CACNG7: variants seen among roughly 807,000 people sequenced by gnomAD.
CACNG7 encodes voltage-dependent calcium channel gamma-7 subunit.
In CACNG7, 9 loss-of-function variants were observed where a neutral mutation model predicts 26.3. The ratio of observed to expected loss-of-function variants is 0.34; its 90% CI spans 0.21 to 0.60. CACNG7 has a LOEUF of 0.60. Among genes scored for constraint, CACNG7 ranks in the 20% least tolerant of loss-of-function variants. CACNG7 has a pLI of 0.81. For missense variants in CACNG7, 297 were observed against 380.4 expected, an observed-to-expected ratio of 0.78 and a Z score of 1.82; for synonymous variants, 170 against 157.0, an observed-to-expected ratio of 1.08 and a Z score of -0.62.
At chr19:53,937,356 C>G (rs975185592) in intron 4 of CACNG7, among the ~76,000 whole-genome samples, 1 of 152,152 alleles carries the variant, frequency 6.6e-6, no homozygotes, top group African/African-American at 2.4e-5. Flanking sequence ...TCCCCTTTCA[C>G]GTGGCGGCAC....
chr19:53,909,397 G>C lies in CACNG7; in HGVS notation c.-150G>C, dbSNP rs1444542561. The C allele has an allele frequency of 2.0e-5, 3 of 148,770 alleles. No homozygotes were observed. Among genetic ancestry groups the C allele is most frequent in the Non-Finnish European group, 3.0e-5 (2 of 66,500 alleles). The allele number at this position is 148,770 out of a possible 1,614,324, so 9.2% of individuals were successfully genotyped here. ...GGCCGGGACGCCGGGCTCCGGGGCG[G>C]GGGCGGGGGGCGCGGGCACCGGCGA... On this transcript the variant is annotated 5_prime_UTR_variant, in exon 1 of 6. Coordinates refer to ENST00000391767, the MANE Select transcript of CACNG7 (RefSeq NM_031896.5). The surrounding 1 kb of genome is among the most constrained non-coding windows in gnomAD (Gnocchi z 5.1).
chr19:53,937,078 T>C (rs1480083527), intron 4 of CACNG7, among the ~76,000 whole-genome samples: 1 of 152,142 alleles, frequency 6.6e-6, no homozygotes, highest in African/African-American at 2.4e-5. Flanking sequence ...TTAGTAGAGA[T>C]GGGGTCTCAC....
Position 53,942,161 on chromosome 19 carries a change from G to A in CACNG7, c.696G>A (p.Leu232=). 6.2e-7 allele frequency: 1 copy of A among 1,614,012 alleles called. No homozygotes were observed. Among genetic ancestry groups the A allele is most frequent in the Non-Finnish European group, 8.5e-7 (1 of 1,179,938 alleles). The change falls in exon 6 of 6, where the codon CTG becomes CTA. Residue 232 remains leucine (L), a synonymous_variant. Transcript: ENST00000391767. This position sits in a 1 kb window ranked among gnomAD's most constrained non-coding sequence, Gnocchi z 5.9. ...GCTCCGACTACTCGGGCCAGTTCCT[G>A]CAGCCCGAGGCGTGGCGCCGCGGCC... ...SDCSDYSGQF[L]QPEAWRRGRS...
In CACNG7 at chr19:53,940,831, G is replaced by A. The variant is rs868473282; in HGVS notation, c.425-639G>A. On this transcript the variant is annotated intron_variant, in intron 4 of 5. Coordinates refer to ENST00000391767, the MANE Select transcript of CACNG7 (RefSeq NM_031896.5). The surrounding 1 kb of genome is among the most constrained non-coding windows in gnomAD (Gnocchi z 4.1). ...GCATTTGGGGAGGCCGAGGTGGGTGGATCACCTGAGGTCAGGAGTTTGAGA... is the reference window on the plus strand; with the variant it reads ...GCATTTGGGGAGGCCGAGGTGGGTGAATCACCTGAGGTCAGGAGTTTGAGA... 2.6e-5 allele frequency among the ~76,000 whole-genome samples: 4 copies of A among 152,060 alleles called. No homozygotes were observed. Among genetic ancestry groups the A allele is most frequent in the Middle Eastern group, 3.4e-3 (1 of 294 alleles).
At chr19:53,911,055 G>GTGGT (rs2068858868) in intron 1 of CACNG7, among the ~76,000 whole-genome samples, 1 of 148,606 alleles carries the variant, frequency 6.7e-6, no homozygotes, top group African/African-American at 2.6e-5. Context: ...GGTGGTGGTG[G>GTGGT]GGTCCAGCTC....
At chr19:53,911,602 G>A (rs551793211) in intron 1 of CACNG7, among the ~76,000 whole-genome samples, 3 of 152,226 alleles carry the variant, frequency 2.0e-5, no homozygotes, top group African/African-American at 7.2e-5. Context: ...AAGGGACGAG[G>A]TCCCAGCTGA....
rs1329595625 is a variant in CACNG7 at position 53,943,857 on chromosome 19, G to T, written c.*1564G>T. On this transcript the variant is annotated 3_prime_UTR_variant, in exon 6 of 6. Coordinates refer to ENST00000391767, the MANE Select transcript of CACNG7 (RefSeq NM_031896.5). Reference sequence around the variant, plus strand: ...TGACTTAATCATCATCATTATCAACGGCAGCGCTTTATACTTCAGTCCGTG... The same window carrying T: ...TGACTTAATCATCATCATTATCAACTGCAGCGCTTTATACTTCAGTCCGTG... 3 of 151,988 alleles carry T rather than the reference G, an allele frequency of 2.0e-5. No homozygotes were observed. Among genetic ancestry groups the T allele is most frequent in the African/African-American group, 7.3e-5 (3 of 41,350 alleles). The allele number at this position is 151,988 out of a possible 1,614,324, so 9.4% of individuals were successfully genotyped here. A position where few individuals can be genotyped will look rare whatever the true frequency, so the allele number is the denominator to read the frequency against.
At chr19:53,930,980 G>A (rs1209179959) in intron 4 of CACNG7, among the ~76,000 whole-genome samples, 2 of 152,108 alleles carry the variant, frequency 1.3e-5, no homozygotes, top group Non-Finnish European at 2.9e-5. Context: ...CACATTACTT[G>A]AGCTCAGGAG....
intron 4 of CACNG7, among the ~76,000 whole-genome samples, chr19:53,923,309 T>C (rs74180748): frequency 9.4e-5 from 7 of 74,636 alleles, no homozygotes; most frequent in African/African-American, 1.2e-4. Flanking sequence ...TGGAGTTGAC[T>C]CAGGCTGGTC....
intron 4 of CACNG7, among the ~76,000 whole-genome samples, chr19:53,923,402 T>C (rs552922372): frequency 7.2e-6 from 1 of 138,186 alleles, no homozygotes; most frequent in African/African-American, 2.8e-5. Flanking sequence ...AGGTCTGGTA[T>C]TGGTGGAGTT....
chr19:53,927,510 A>G (rs75301446), intron 4 of CACNG7, among the ~76,000 whole-genome samples: 14,374 of 152,046 alleles, frequency 0.095, 785 homozygotes, highest in South Asian at 0.17. Context: ...TGGTTTGGAG[A>G]TGGGATTCAC....
intron 4 of CACNG7, among the ~76,000 whole-genome samples, chr19:53,936,660 T>G (rs140832118): frequency 0.017 from 2,633 of 152,182 alleles, 80 homozygotes; most frequent in African/African-American, 0.06. Context: ...CCAGGCTGGA[T>G]TGCAGTGGTG....
In CACNG7 at chr19:53,912,787, A is replaced by G. The variant is rs777221888; in HGVS notation, c.-29-16A>G. ...TCGGTCCCATGGAGCTCTGCACTGT[A>G]GCTTCCCTTCCACAGGCCCCGCAGG... On this transcript the variant is annotated splice_polypyrimidine_tract_variant and intron_variant, in intron 1 of 5. Transcript: ENST00000391767. This position sits in a 1 kb window ranked among gnomAD's most constrained non-coding sequence, Gnocchi z 4.6. 4.4e-6 allele frequency: 7 copies of G among 1,599,990 alleles called. No homozygotes were observed. The Admixed American group carries it at 5.0e-5, about 11-fold the overall frequency.
chr19:53,922,561 TCTGGTCATTGGTGGAGTTGTCCCAGGA>T lies in CACNG7; in HGVS notation c.424+7070_424+7096del, dbSNP rs1240237279. Among the ~76,000 whole-genome samples, 8 of 73,976 alleles carry T rather than the reference TCTGGTCATTGGTGGAGTTGTCCCAGGA, an allele frequency of 1.1e-4. 1 individual carries two copies. The highest frequency in any genetic ancestry group is 4.7e-4 in the Admixed American group (4 of 8,528). The allele number at this position is 73,976 out of a possible 152,430, so 48.5% of individuals were successfully genotyped here. A position where few individuals can be genotyped will look rare whatever the true frequency, so the allele number is the denominator to read the frequency against. On this transcript the variant is annotated intron_variant, in intron 4 of 5. Transcript: ENST00000391767. Reference sequence around the variant, plus strand: ...TGGTCATTGGTGGAGTTGCCCCAGGTCTGGTCATTGGTGGAGTTGTCCCAGGACTGGTCATTGGTGCAGTTGTCCCAG... The same window carrying T: ...TGGTCATTGGTGGAGTTGCCCCAGGTCTGGTCATTGGTGCAGTTGTCCCAG...
rs149797266 is a variant in CACNG7 at position 53,914,564 on chromosome 19, G to A, written c.261G>A (p.Thr87=). The part of the protein sequence containing the change: ...YFLEPEINLV[T]ENTENILKTV... ...TTGAACCGGAGATCAATTTGGTGAC[G>A]GAAAACACGGAGAATATTCTGAGTG... The change falls in exon 3 of 6, where the codon ACG becomes ACA. Residue 87 remains threonine, a synonymous_variant. Coordinates refer to ENST00000391767, the MANE Select transcript of CACNG7 (RefSeq NM_031896.5). The A allele has an allele frequency of 1.7e-5, 28 of 1,613,962 alleles. No individual in the cohort carries two copies. Among genetic ancestry groups the A allele is most frequent in the South Asian group, 5.5e-5 (5 of 91,078 alleles).
chr19:53,922,113 G>A (rs1240244678), intron 4 of CACNG7, among the ~76,000 whole-genome samples: 1 of 119,510 alleles, frequency 8.4e-6, no homozygotes, highest in East Asian at 2.2e-4. Flanking sequence ...GGTCATTGGT[G>A]GAGTTGCCCC....
intron 3 of CACNG7, 69 bp downstream of exon 3, chr19:53,914,655 G>A: frequency 7.2e-7 from 1 of 1,386,806 alleles, no homozygotes. Context: ...GTCCTGGGAG[G>A]GGGCAGGACT....
intron 4 of CACNG7, 64 bp from the exon 5 acceptor site, chr19:53,941,405 TG>T: frequency 6.9e-7 from 1 of 1,451,178 alleles, no homozygotes. Flanking sequence ...GGCAGTGAGG[TG>T]GGGCTGGGGC....
intron 3 of CACNG7, 73 bp downstream of exon 3, chr19:53,914,659 C>A: frequency 1.5e-6 from 2 of 1,363,700 alleles, no homozygotes; most frequent in Non-Finnish European, 2.1e-6. Flanking sequence ...TGGGAGGGGG[C>A]AGGACTAGGG....
Sources: gnomAD v4.1 joint callset for allele counts (sites outside exome capture counted in the v4.1 genomes callset) on GRCh38, gnomAD v4.1.1 for gene constraint, Gnocchi (gnomAD v3.1) non-coding constraint, MANE v1.5 for transcripts, NCBI Gene and HGNC (gene_info 2026-07-23, HGNC 2026-07-21) for gene names.